The following MAP3K20 variants were observed in gnomAD, a reference collection of about 807,000 sequenced individuals.
The protein encoded by MAP3K20 is HCCS-4.
Under a neutral mutation model 85.7 loss-of-function variants are expected in MAP3K20, and 40 were observed. That is an observed-to-expected ratio of 0.47 (90% CI 0.36 to 0.61). MAP3K20 has a LOEUF of 0.61. Among genes scored for constraint, MAP3K20 ranks in the 20% least tolerant of loss-of-function variants. The pLI is 0.00. For synonymous variants in MAP3K20, 325 were observed against 327.7 expected (o/e 0.99, Z 0.09); for missense variants, 817 against 961.7 (o/e 0.85, Z 1.99).
chr2:173,121,805 T>C (rs1397346301), intron 2 of MAP3K20, among the ~76,000 whole-genome samples: 1 of 151,802 alleles, frequency 6.6e-6, no homozygotes, highest in African/African-American at 2.4e-5. Flanking sequence ...TCAGTGTCTA[T>C]CTCCATGTTG....
chr2:173,227,811 AG>A (rs1270232374), intron 11 of MAP3K20, among the ~76,000 whole-genome samples: 6 of 152,322 alleles, frequency 3.9e-5, no homozygotes, highest in African/African-American at 1.4e-4. Flanking sequence ...GCCTTGATGC[AG>A]GAAAATATTT....
intron 11 of MAP3K20, chr2:173,221,673 T>G (rs1184829141): frequency 7.5e-7 from 1 of 1,337,804 alleles, no homozygotes; most frequent in Non-Finnish European, 9.6e-7. Context: ...GACCGTAATT[T>G]CTTATCAATT....
chr2:173,227,119 A>G (rs745441987), intron 11 of MAP3K20: 203 of 985,688 alleles, frequency 2.1e-4, no homozygotes, highest in Non-Finnish European at 2.4e-4. Flanking sequence ...CTAAGACTCC[A>G]TTTTGCAATA....
At chr2:173,135,224 T>C (rs1688767013) in intron 2 of MAP3K20, among the ~76,000 whole-genome samples, 1 of 152,270 alleles carries the variant, frequency 6.6e-6, no homozygotes, top group Non-Finnish European at 1.5e-5. Context: ...AAAGAGCATT[T>C]AATTCTTGTA....
intron 2 of MAP3K20, among the ~76,000 whole-genome samples, chr2:173,092,502 A>G (rs894171157): frequency 2.0e-5 from 3 of 152,176 alleles, no homozygotes; most frequent in Non-Finnish European, 4.4e-5. Flanking sequence ...TGCGAAATGT[A>G]TTAAGCTGCC....
intron 2 of MAP3K20, among the ~76,000 whole-genome samples, chr2:173,098,654 C>G (rs745623126): frequency 6.6e-6 from 1 of 152,238 alleles, no homozygotes; most frequent in Non-Finnish European, 1.5e-5. Flanking sequence ...CAAATGTACT[C>G]TTTTATGGCT....
At chr2:173,110,819 CGTT>C (rs1401491437) in intron 2 of MAP3K20, among the ~76,000 whole-genome samples, 1 of 152,150 alleles carries the variant, frequency 6.6e-6, no homozygotes, top group African/African-American at 2.4e-5. Context: ...TTTATCCACT[CGTT>C]GATTGATGGG....
chr2:173,110,227 ATATATATATATATATTTTTTTTTTTTTT>A (rs1687919545), intron 2 of MAP3K20, among the ~76,000 whole-genome samples: 4 of 9,222 alleles, frequency 4.3e-4, no homozygotes, highest in South Asian at 9.3e-3. Flanking sequence ...ATATATATAT[ATATATATATATATATTTTTTTTTTTTTT>A]TTTTTTTTTT....
chr2:173,195,798 C>T (rs80347295), intron 7 of MAP3K20, among the ~76,000 whole-genome samples: 2,212 of 152,248 alleles, frequency 0.015, 30 homozygotes, highest in Non-Finnish European at 0.021. Flanking sequence ...CTAATGACCC[C>T]ACCTCAGACA....
chr2:173,233,701 G>T (rs559086305), intron 14 of MAP3K20, among the ~76,000 whole-genome samples: 6 of 152,166 alleles, frequency 3.9e-5, no homozygotes, highest in Non-Finnish European at 7.4e-5. Context: ...CTACCAACAC[G>T]CCAGCTAGTC....
chr2:173,129,951 A>G (rs1171832446), intron 2 of MAP3K20, among the ~76,000 whole-genome samples: 1 of 152,172 alleles, frequency 6.6e-6, no homozygotes, highest in Non-Finnish European at 1.5e-5. Flanking sequence ...GATACTCACT[A>G]TTAGTAAGGA....
At chr2:173,177,096 T>G (rs568898961) in intron 3 of MAP3K20, among the ~76,000 whole-genome samples, 1 of 152,304 alleles carries the variant, frequency 6.6e-6, no homozygotes, top group Non-Finnish European at 1.5e-5. Flanking sequence ...CACCAGTAAC[T>G]GATTTCAGTA....
chr2:173,140,533 A>G (rs530801964), intron 2 of MAP3K20, among the ~76,000 whole-genome samples: 13 of 151,994 alleles, frequency 8.6e-5, no homozygotes, highest in African/African-American at 3.1e-4. Flanking sequence ...AATTTTTAGT[A>G]GAGATGGGGT....
intron 3 of MAP3K20, among the ~76,000 whole-genome samples, chr2:173,178,878 G>C (rs532002657): frequency 1.3e-5 from 2 of 152,202 alleles, no homozygotes; most frequent in South Asian, 4.1e-4. Context: ...CATGAATATA[G>C]ATGTAAAAAT....
At position 173,266,534 on chromosome 2, in the gene MAP3K20, C is replaced by T; in HGVS notation, c.2187C>T (p.Asp729=). 1 of 1,613,944 alleles carries T rather than the reference C, an allele frequency of 6.2e-7. No individual in the cohort carries two copies. The highest frequency in any genetic ancestry group is 8.5e-7 in the Non-Finnish European group (1 of 1,179,938). Residue 729 remains aspartate (D), a synonymous_variant, in exon 20 of 20, where the codon GAC becomes GAT. Transcript: ENST00000375213. Reference sequence around the variant, plus strand: ...CACTCAATCCTCACCAGTCGCCTGACTTCAAGAGAAGCCCCAGGGACCTCC... The same window carrying T: ...CACTCAATCCTCACCAGTCGCCTGATTTCAAGAGAAGCCCCAGGGACCTCC... The part of the protein sequence containing the change: ...QSALNPHQSP[D]FKRSPRDLHQ...
At chr2:173,231,069 G>GT (rs1684514442) in intron 12 of MAP3K20, among the ~76,000 whole-genome samples, 1 of 152,124 alleles carries the variant, frequency 6.6e-6, no homozygotes, top group East Asian at 1.9e-4. Context: ...CAAGCTCAGG[G>GT]TATCACTAAA....
At position 173,170,897 on chromosome 2, in the gene MAP3K20, G is replaced by A. The variant is rs57073707; in HGVS notation, c.247+1005G>A. Among the ~76,000 whole-genome samples, 1,397 of 152,288 alleles carry A rather than the reference G, an allele frequency of 9.2e-3. 25 individuals carry two copies. The highest frequency in any genetic ancestry group is 0.03 in the African/African-American group (1,241 of 41,540). The stretch of plus-strand genomic sequence containing the variant: ...TTCTCCACAGAAGCTCCTCTTCTAT[G>A]CAAGCTAGGTTCTGGAAGGCTGTGA... On this transcript the variant is annotated intron_variant, in intron 3 of 19. Transcript: ENST00000375213.
chr2:173,200,106 T>C (rs1027746501), intron 8 of MAP3K20, among the ~76,000 whole-genome samples: 5 of 152,198 alleles, frequency 3.3e-5, no homozygotes, highest in Non-Finnish European at 1.5e-5. Context: ...TGAAATACAT[T>C]TTCTCAACTT....
chr2:173,203,049 T>C (rs550796105), intron 8 of MAP3K20, among the ~76,000 whole-genome samples: 5 of 152,184 alleles, frequency 3.3e-5, no homozygotes, highest in Non-Finnish European at 7.3e-5. Context: ...ACAGGGGAGT[T>C]CCTGGTTATG....
Sources: allele counts gnomAD v4.1 joint callset (sites outside exome capture counted in the v4.1 genomes callset), GRCh38; gene constraint gnomAD v4.1.1; transcripts MANE v1.5; gene names NCBI Gene and HGNC (gene_info 2026-07-23, HGNC 2026-07-21).